Variants in ABCG2 observed in about 807,000 individuals in gnomAD.
ABCG2 encodes the protein ATP binding cassette subfamily G member 2 (JR blood group).
ABCG2 carries 80 observed loss-of-function variants against 73.5 expected under a neutral mutation model. The ratio of observed to expected loss-of-function variants is 1.09; its 90% CI spans 0.91 to 1.31. The LOEUF is 1.31. ABCG2 is among the 50% of genes most tolerant of loss of function. The pLI, the probability that ABCG2 is intolerant of heterozygous loss-of-function variation, is 0.00. For missense variants in ABCG2, 796 were observed against 786.2 expected (o/e 1.01, Z -0.15); for synonymous variants, 269 against 282.4 (o/e 0.95, Z 0.48).
upstream of ABCG2, among the ~76,000 whole-genome samples, chr4:88,159,579 C>T (rs1197668775): frequency 6.6e-6 from 1 of 152,156 alleles, no homozygotes; most frequent in Non-Finnish European, 1.5e-5. Context: ...GTGTAGCCAT[C>T]CCAACATCTA....
At chr4:88,165,325 G>A (rs1727473601) in intron 1 of ABCG2, among the ~76,000 whole-genome samples, 1 of 152,184 alleles carries the variant, frequency 6.6e-6, no homozygotes, top group Non-Finnish European at 1.5e-5. Context: ...TCTAAAATGG[G>A]TCTAGTGGTC....
intron 1 of ABCG2, among the ~76,000 whole-genome samples, chr4:88,199,081 G>A (rs1729049336): frequency 6.6e-6 from 1 of 151,992 alleles, no homozygotes; most frequent in Non-Finnish European, 1.5e-5. Flanking sequence ...TGATTCTCCT[G>A]CCTCAGCCAC....
chr4:88,189,593 G>A (rs1728601843), intron 1 of ABCG2, among the ~76,000 whole-genome samples: 1 of 152,034 alleles, frequency 6.6e-6, no homozygotes, highest in Admixed American at 6.6e-5. Context: ...TGTTGATTTT[G>A]TATGCCTCTA....
At chr4:88,140,566 G>A (rs1725561422) in intron 1 of ABCG2, among the ~76,000 whole-genome samples, 1 of 152,132 alleles carries the variant, frequency 6.6e-6, no homozygotes, top group African/African-American at 2.4e-5. Context: ...AGGTTGCGGT[G>A]AGCAGAGATC....
At chr4:88,133,101 C>T (rs926075042) in intron 2 of ABCG2, among the ~76,000 whole-genome samples, 1 of 152,178 alleles carries the variant, frequency 6.6e-6, no homozygotes, top group African/African-American at 2.4e-5. Flanking sequence ...TCTTGTGAAA[C>T]ATCTCCGTTA....
chr4:88,125,766 G>C (rs1250686059), intron 5 of ABCG2, among the ~76,000 whole-genome samples: 2 of 151,954 alleles, frequency 1.3e-5, no homozygotes, highest in African/African-American at 4.8e-5. Flanking sequence ...AGAATCTCTG[G>C]GACATAACTA....
chr4:88,223,059 T>C (rs1275223133), intron 1 of ABCG2, among the ~76,000 whole-genome samples: 2 of 152,194 alleles, frequency 1.3e-5, no homozygotes, highest in African/African-American at 4.8e-5. Context: ...ATTTGTCCCA[T>C]TTGGAATGGG....
Position 88,131,972 on chromosome 4 carries a change from T to G in ABCG2, c.264-55A>C, listed in dbSNP as rs373736609. 1.9e-4 allele frequency: 252 copies of G among 1,358,296 alleles called. 5 individuals are homozygous for G. The South Asian group carries it at 3.0e-3, about 16-fold the overall frequency. 84.1% of individuals were successfully genotyped at this position (1,358,296 alleles called of 1,614,324 possible). On this transcript the variant is annotated intron_variant, in intron 3 of 15. Coordinates refer to ENST00000237612, the MANE Select transcript of ABCG2 (RefSeq NM_004827.3). ...AATAACCTATAAGAGAATATATATG[T>G]TGTGGGGTTTTTTTCCCTCCAACAC...
At chr4:88,194,365 A>G (rs186679278) in intron 1 of ABCG2, among the ~76,000 whole-genome samples, 1 of 151,870 alleles carries the variant, frequency 6.6e-6, no homozygotes, top group Admixed American at 6.6e-5. Flanking sequence ...CCTGGCTAAC[A>G]CGGTTAAACC....
chr4:88,093,034 T>C (rs917012959), intron 15 of ABCG2, among the ~76,000 whole-genome samples: 2 of 152,184 alleles, frequency 1.3e-5, no homozygotes, highest in Non-Finnish European at 2.9e-5. Flanking sequence ...GCTATCAGGT[T>C]TAAGCCTTAA....
chr4:88,199,719 G>A (rs1353976345), intron 1 of ABCG2, among the ~76,000 whole-genome samples: 2 of 152,176 alleles, frequency 1.3e-5, no homozygotes, highest in African/African-American at 2.4e-5. Context: ...CTTTATTTAG[G>A]CCGGGCGCAG....
upstream of ABCG2, among the ~76,000 whole-genome samples, chr4:88,161,947 T>G (rs1032155642): frequency 1.0e-4 from 15 of 149,374 alleles, no homozygotes; most frequent in Non-Finnish European, 2.2e-4. Context: ...TCTTCATGTG[T>G]TTTTTGGCTG....
Position 88,158,555 on chromosome 4 carries a change from A to C in ABCG2, c.-189T>G. The C allele has an allele frequency of 2.2e-6, 1 of 456,432 alleles. No individual in the cohort carries two copies. The allele number at this position is 456,432 out of a possible 1,614,324, so 28.3% of individuals were successfully genotyped here. On this transcript the variant is annotated 5_prime_UTR_variant, in exon 1 of 16. Coordinates refer to ENST00000237612, the MANE Select transcript of ABCG2 (RefSeq NM_004827.3). ...CTTAACAAGACCACCAAGCATGTGC[A>C]CGGTGCGTTCCTAAATCCTACCCAG...
rs147593897 is a variant in ABCG2 at position 88,167,713 on chromosome 4, G to A, written c.-19-27699C>T. Among the ~76,000 whole-genome samples, 421 of 152,142 alleles carry A rather than the reference G, an allele frequency of 2.8e-3. 3 individuals carry two copies. Among genetic ancestry groups the A allele is most frequent in the African/African-American group, 9.6e-3 (400 of 41,520 alleles). On this transcript the variant is annotated intron_variant, in intron 1 of 15. Coordinates refer to the ABCG2 transcript ENST00000515655. Reference sequence around the variant, plus strand: ...TTAAAGGGCTTATGTGATTAAATCAGGCCCACCTTTACAATCTTGATATGT... The same window carrying A: ...TTAAAGGGCTTATGTGATTAAATCAAGCCCACCTTTACAATCTTGATATGT...
At chr4:88,151,721 A>T (rs1726500903) in intron 1 of ABCG2, among the ~76,000 whole-genome samples, 1 of 151,594 alleles carries the variant, frequency 6.6e-6, no homozygotes, top group Non-Finnish European at 1.5e-5. Context: ...CCTGGGCGAC[A>T]GAGTGAGACT....
Position 88,118,148 on chromosome 4 carries a change from C to G in ABCG2, c.802G>C (p.Gly268Arg). 6.2e-7 allele frequency: 1 copy of G among 1,614,034 alleles called. No individual in the cohort carries two copies. Among genetic ancestry groups the G allele is most frequent in the South Asian group, 1.1e-5 (1 of 91,066 alleles). The change falls in exon 7 of 16, where the codon GGG (glycine) becomes CGG (arginine). Residue 268 changes from glycine to arginine, a missense_variant. Coordinates refer to ENST00000237612, the MANE Select transcript of ABCG2 (RefSeq NM_004827.3). The stretch of plus-strand genomic sequence containing the variant: ...TATCCCAAGGCCTCCTGAGCAGGCC[C>G]GTGGAACATAAGTCTTCCTGAGGCC... ...LLASGRLMFH[G>R]PAQEALGYFE...
In ABCG2 at chr4:88,140,256, T is replaced by C. The variant is rs372089787; in HGVS notation, c.-19-242A>G. Among the ~76,000 whole-genome samples the C allele has an allele frequency of 8.3e-4, 126 of 152,140 alleles. 6 individuals carry two copies. In the South Asian group the frequency reaches 0.023, roughly 28 times the overall value. On this transcript the variant is annotated intron_variant, in intron 1 of 15. Transcript: ENST00000237612. ...AATACATCCCTAATAAGTAAATGGGTCCTAATAAGTAAATAGGAAGAGTAT... is the reference window on the plus strand; with the variant it reads ...AATACATCCCTAATAAGTAAATGGGCCCTAATAAGTAAATAGGAAGAGTAT...
intron 1 of ABCG2, among the ~76,000 whole-genome samples, chr4:88,194,748 G>A (rs920772382): frequency 6.6e-6 from 1 of 152,044 alleles, no homozygotes; most frequent in African/African-American, 2.4e-5. Flanking sequence ...TAGGCACGAA[G>A]GCTGACACAG....
intron 1 of ABCG2, among the ~76,000 whole-genome samples, chr4:88,147,504 C>A (rs1425695620): frequency 6.6e-6 from 1 of 152,122 alleles, no homozygotes; most frequent in African/African-American, 2.4e-5. Context: ...TGCAAATCTG[C>A]AATTTCTAAA....
Sources: allele counts gnomAD v4.1 joint callset (sites outside exome capture counted in the v4.1 genomes callset), GRCh38; gene constraint gnomAD v4.1.1; transcripts MANE v1.5; gene names NCBI Gene and HGNC (gene_info 2026-07-23, HGNC 2026-07-21).